SLC1A2: variants seen among roughly 807,000 people sequenced by gnomAD.
The protein encoded by SLC1A2 is solute carrier family 1 member 2, also known as excitatory amino acid transporter 2.
Under a neutral mutation model 48.8 loss-of-function variants are expected in SLC1A2, and 15 were observed. The ratio of observed to expected loss-of-function variants is 0.31; its 90% CI spans 0.21 to 0.47. The LOEUF (loss-of-function observed/expected upper bound fraction) is 0.47. Ranked by LOEUF, SLC1A2 falls within the 20% of genes least tolerant of loss-of-function variation. The pLI is 0.99. For synonymous variants in SLC1A2, 279 were observed against 272.6 expected (o/e 1.02, Z -0.23); for missense variants, 502 against 730.5 (o/e 0.69, Z 3.61).
intron 4 of SLC1A2, among the ~76,000 whole-genome samples, chr11:35,307,807 T>C (rs1312790885): frequency 6.6e-6 from 1 of 152,142 alleles, no homozygotes; most frequent in Non-Finnish European, 1.5e-5. Context: ...TTATTTAAAA[T>C]GGATGGGAAG....
chr11:35,385,356 A>C (rs1462226882), intron 1 of SLC1A2, among the ~76,000 whole-genome samples: 2 of 152,216 alleles, frequency 1.3e-5, no homozygotes, highest in East Asian at 3.8e-4. Context: ...CTGAAAGGGA[A>C]ATATTATCTC....
chr11:35,393,820 G>T (rs560186617), intron 1 of SLC1A2, among the ~76,000 whole-genome samples: 1 of 152,256 alleles, frequency 6.6e-6, no homozygotes, highest in East Asian at 1.9e-4. Flanking sequence ...ATGGTGGTTT[G>T]CTCAAAATGC....
In SLC1A2 at chr11:35,337,328, A is replaced by T. The variant is rs150231821; in HGVS notation, c.18-19812T>A. 8.7e-3 allele frequency among the ~76,000 whole-genome samples: 1,320 copies of T among 152,256 alleles called. 9 individuals carry two copies. The highest frequency in any genetic ancestry group is 0.013 in the Non-Finnish European group (904 of 68,028). The stretch of plus-strand genomic sequence containing the variant: ...TAAGCGAATAGAAATAGTGACAAAG[A>T]GGGTAGTCAGAAAGGCAGTGAGTAA... On this transcript the variant is annotated intron_variant, in intron 1 of 10. Coordinates refer to ENST00000278379, the MANE Select transcript of SLC1A2 (RefSeq NM_004171.4).
intron 1 of SLC1A2, among the ~76,000 whole-genome samples, chr11:35,389,595 G>T (rs930930554): frequency 9.2e-5 from 14 of 151,644 alleles, no homozygotes; most frequent in Admixed American, 9.2e-4. Flanking sequence ...CTCAGCCTCC[G>T]GAGTAGCTGG....
Position 35,252,818 on chromosome 11 carries a change from T to C in SLC1A2, c.*8076A>G, listed in dbSNP as rs1314057101. 1 of 152,668 alleles carries C rather than the reference T, an allele frequency of 6.6e-6. No homozygotes were observed. Among genetic ancestry groups the C allele is most frequent in the Non-Finnish European group, 1.5e-5 (1 of 68,040 alleles). The allele number at this position is 152,668 out of a possible 1,614,324, so 9.5% of individuals were successfully genotyped here. The stretch of plus-strand genomic sequence containing the variant: ...CTGAAATTACACCTAGATACCTACA[T>C]TATAGCTACACAAAGTGCATAGGCA... On this transcript the variant is annotated 3_prime_UTR_variant, in exon 11 of 11. Coordinates refer to ENST00000278379, the MANE Select transcript of SLC1A2 (RefSeq NM_004171.4).
rs1851355378 is a variant in SLC1A2, at chr11:35,301,531, A to T, written c.845T>A (p.Ile282Asn). The T allele has an allele frequency of 1.2e-6, 2 of 1,613,624 alleles. No homozygotes were observed. Among genetic ancestry groups the T allele is most frequent in the Non-Finnish European group, 1.7e-6 (2 of 1,179,746 alleles). Residue 282 changes from isoleucine to asparagine, a missense_variant, in exon 6 of 11, where the codon ATC becomes AAC. This residue lies in a region of SLC1A2 where 309 missense variants were observed against 480.3 expected (regional missense o/e 0.64). Coordinates refer to ENST00000278379, the MANE Select transcript of SLC1A2 (RefSeq NM_004171.4). ...ILNEIVMKLVIMIMWYSPLGI... is the reference protein window; with the variant it reads ...ILNEIVMKLVNMIMWYSPLGI... ...CAAGGCCACTTACCACATGATCATG[A>T]TCACTAACTTCATTACAATCTCATT...
rs144534553 is a variant in SLC1A2, at chr11:35,346,677, C to T, written c.18-29161G>A. Among the ~76,000 whole-genome samples, 260 of 152,324 alleles carry T rather than the reference C, an allele frequency of 1.7e-3. 1 individual carries two copies. The highest frequency in any genetic ancestry group is 3.4e-3 in the Middle Eastern group (1 of 294). ...TAACTGTTTGTTGAGTGACTCAAAG[C>T]GTAAGCTAGTAAGATCCTCTGCTCA... On this transcript the variant is annotated intron_variant, in intron 1 of 10. Transcript: ENST00000278379.
At chr11:35,272,051 AAGG>A (rs1231734630) in intron 9 of SLC1A2, among the ~76,000 whole-genome samples, 1 of 152,164 alleles carries the variant, frequency 6.6e-6, no homozygotes, top group Non-Finnish European at 1.5e-5. Flanking sequence ...TGGAAATGGA[AAGG>A]AGATCAAATT....
intron 1 of SLC1A2, among the ~76,000 whole-genome samples, chr11:35,331,843 C>T (rs1852440719): frequency 6.6e-6 from 1 of 152,202 alleles, no homozygotes; most frequent in African/African-American, 2.4e-5. Context: ...CACAATTCAT[C>T]ACATTCATAT....
chr11:35,300,052 A>T (rs3891872), intron 6 of SLC1A2, among the ~76,000 whole-genome samples: 27,281 of 152,220 alleles, frequency 0.18, 2,839 homozygotes, highest in Admixed American at 0.26. Flanking sequence ...CAATGATTGA[A>T]GATGACAGAG....
intron 10 of SLC1A2, chr11:35,261,866 G>C: frequency 2.5e-6 from 1 of 396,702 alleles, no homozygotes; most frequent in Non-Finnish European, 4.4e-6. Context: ...CAACATGCTA[G>C]GAACAGAAAA....
intron 3 of SLC1A2, among the ~76,000 whole-genome samples, chr11:35,314,316 A>G (rs1294922922): frequency 1.3e-5 from 2 of 152,162 alleles, no homozygotes; most frequent in African/African-American, 4.8e-5. Context: ...TTTAATGCCA[A>G]TCTCCCTCAA....
intron 1 of SLC1A2, among the ~76,000 whole-genome samples, chr11:35,352,942 C>G (rs1044366789): frequency 2.6e-5 from 4 of 152,176 alleles, no homozygotes; most frequent in Non-Finnish European, 4.4e-5. Context: ...CCAGCAGTGA[C>G]AACCAGAGAC....
intron 6 of SLC1A2, among the ~76,000 whole-genome samples, chr11:35,297,034 G>GA (rs561833127): frequency 9.5e-4 from 141 of 147,802 alleles, no homozygotes; most frequent in East Asian, 7.3e-3. Flanking sequence ...TTTATTGAAT[G>GA]AAAAAAAAAA....
intron 9 of SLC1A2, among the ~76,000 whole-genome samples, chr11:35,267,456 A>C (rs1231440370): frequency 6.6e-6 from 1 of 152,206 alleles, no homozygotes; most frequent in Non-Finnish European, 1.5e-5. Context: ...TATTTATTCT[A>C]TGATGTATAA....
chr11:35,321,048 A>G (rs115985287), intron 1 of SLC1A2, among the ~76,000 whole-genome samples: 3,460 of 152,232 alleles, frequency 0.023, 117 homozygotes, highest in African/African-American at 0.079. Context: ...ACTTACAATC[A>G]AATCATGGTG....
intron 6 of SLC1A2, among the ~76,000 whole-genome samples, chr11:35,296,735 A>G (rs143314358): frequency 1.3e-5 from 2 of 152,192 alleles, no homozygotes; most frequent in Non-Finnish European, 2.9e-5. Context: ...GTTCTTCACC[A>G]GGTTGCTTGG....
chr11:35,354,540 G>A (rs4756220), intron 1 of SLC1A2, among the ~76,000 whole-genome samples: 29,618 of 152,046 alleles, frequency 0.19, 3,181 homozygotes, highest in Middle Eastern at 0.27. Context: ...CTCTTCCAAC[G>A]TTTCTCTTTT....
intron 2 of SLC1A2, chr11:35,315,443 G>C (rs1851843974): frequency 3.3e-6 from 1 of 307,008 alleles, no homozygotes; most frequent in Admixed American, 4.1e-5. Context: ...CTGGCAACTT[G>C]ACTCCAACTT....
Sources: allele counts gnomAD v4.1 joint callset (sites outside exome capture counted in the v4.1 genomes callset), GRCh38; gene constraint gnomAD v4.1.1; regional missense constraint gnomAD v4.1.1; transcripts MANE v1.5; gene names NCBI Gene and HGNC (gene_info 2026-07-23, HGNC 2026-07-21).